Variants in KCNQ1OT1 observed in about 807,000 individuals in gnomAD.
The protein encoded by KCNQ1OT1 is KCNQ1 opposite strand/antisense transcript 1.
At position 2,626,437 on chromosome 11, in the gene KCNQ1OT1, G is replaced by A. The variant is rs999109591; in HGVS notation, n.73558C>T. The A allele has an allele frequency of 5.0e-6, 2 of 398,470 alleles. No individual in the cohort carries two copies. Among genetic ancestry groups the A allele is most frequent in the African/African-American group, 2.1e-5 (1 of 48,614 alleles). The allele number at this position is 398,470 out of a possible 1,614,324, so 24.7% of individuals were successfully genotyped here. A position where few individuals can be genotyped will look rare whatever the true frequency, so the allele number is the denominator to read the frequency against. On this transcript the variant is annotated non_coding_transcript_exon_variant, in exon 1 of 1. Transcript: ENST00000597346. This position sits in a 1 kb window ranked among gnomAD's most constrained non-coding sequence, Gnocchi z 4.0. ...GAATCATTTGATCATGTATACAAGG[G>A]TTTATTTTTGGGCTCTCTATTCAAT...
Position 2,668,800 on chromosome 11 carries a change from T to C in KCNQ1OT1, n.31195A>G. ...CTTTTGATGAACAGAAGGTCTTAAT[T>C]TTCATGTGGTCCAGTTAATCAAACA... On this transcript the variant is annotated non_coding_transcript_exon_variant, in exon 1 of 1. Transcript: ENST00000597346. The surrounding 1 kb of genome is among the most constrained non-coding windows in gnomAD (Gnocchi z 4.3). 2.5e-6 allele frequency: 1 copy of C among 398,612 alleles called. No individual in the cohort carries two copies. The allele number at this position is 398,612 out of a possible 1,614,324, so 24.7% of individuals were successfully genotyped here.
chr11:2,649,593 C>A (rs760358034), exon 1 of KCNQ1OT1: 7 of 398,472 alleles, frequency 1.8e-5, no homozygotes, highest in Admixed American at 4.4e-5. Context: ...ATTTTGTGAG[C>A]TTTTCCCCAC....
chr11:2,630,408 G>A (rs542457275), exon 1 of KCNQ1OT1: 66 of 398,066 alleles, frequency 1.7e-4, no homozygotes, highest in Middle Eastern at 1.2e-3. Context: ...CTTAGTATGA[G>A]GGCAATGCTA....
In KCNQ1OT1 at chr11:2,651,184, G is replaced by A. The variant is rs1210856572; in HGVS notation, n.48811C>T. On this transcript the variant is annotated non_coding_transcript_exon_variant, in exon 1 of 1. Transcript: ENST00000597346. This position sits in a 1 kb window ranked among gnomAD's most constrained non-coding sequence, Gnocchi z 6.1. Reference sequence around the variant, plus strand: ...GATCTTGCTGCTTCCCTACTCAAATGTTCCGACAGCTTCCTGTCACCCTGT... The same window carrying A: ...GATCTTGCTGCTTCCCTACTCAAATATTCCGACAGCTTCCTGTCACCCTGT... The A allele has an allele frequency of 2.0e-5, 8 of 397,640 alleles. No homozygotes were observed. The highest frequency in any genetic ancestry group is 1.2e-3 in the Middle Eastern group (2 of 1,606). 24.6% of individuals were successfully genotyped at this position (397,640 alleles called of 1,614,324 possible). A position where few individuals can be genotyped will look rare whatever the true frequency, so the allele number is the denominator to read the frequency against.
exon 1 of KCNQ1OT1, chr11:2,650,444 T>C (rs1849739891): frequency 2.5e-6 from 1 of 398,454 alleles, no homozygotes; most frequent in Non-Finnish European, 4.4e-6. Context: ...GTAGTATCAT[T>C]TGGGTAGGGT....
At chr11:2,662,391 C>G in exon 1 of KCNQ1OT1, 2 of 511,056 alleles carry the variant, frequency 3.9e-6, no homozygotes, top group Admixed American at 6.8e-5. Flanking sequence ...CCCTCCCCTG[C>G]CCCCCAAAAA....
At chr11:2,666,059 A>C (rs748422546) in exon 1 of KCNQ1OT1, 39 of 398,528 alleles carry the variant, frequency 9.8e-5, no homozygotes, top group Non-Finnish European at 1.6e-4. Flanking sequence ...CCAAGAGGAC[A>C]GGCCCATAAG....
chr11:2,616,963 G>GT lies in KCNQ1OT1; in HGVS notation n.83031dup, dbSNP rs35383069. 4.2e-3 allele frequency: 1,487 copies of GT among 357,358 alleles called. 2 individuals are homozygous for GT. Among genetic ancestry groups the GT allele is most frequent in the Middle Eastern group, 0.011 (14 of 1,328 alleles). 22.1% of individuals were successfully genotyped at this position (357,358 alleles called of 1,614,324 possible). ...GTCTGGCTGTACATTATCTTGTTGTGTTTTTTTTTTTTAATTTTAAAAATA... is the reference window on the plus strand; with the variant it reads ...GTCTGGCTGTACATTATCTTGTTGTGTTTTTTTTTTTTTAATTTTAAAAATA... On this transcript the variant is annotated non_coding_transcript_exon_variant, in exon 1 of 1. Coordinates refer to ENST00000597346, the Ensembl canonical transcript of KCNQ1OT1.
exon 1 of KCNQ1OT1, chr11:2,609,007 T>C (rs551335013): frequency 7.5e-6 from 3 of 398,490 alleles, no homozygotes; most frequent in African/African-American, 2.1e-5. Flanking sequence ...TTGACTTTAT[T>C]ATTTTTATAT....
chr11:2,628,490 T>C, exon 1 of KCNQ1OT1: 3 of 398,384 alleles, frequency 7.5e-6, no homozygotes, highest in Non-Finnish European at 8.9e-6. Flanking sequence ...ATTAATTGGG[T>C]TATTAAGTTT....
At chr11:2,693,603 T>C (rs1850624782) in exon 1 of KCNQ1OT1, 1 of 398,528 alleles carries the variant, frequency 2.5e-6, no homozygotes, top group Admixed American at 4.4e-5. Flanking sequence ...CACATTTAAA[T>C]TGCAAACAAG....
At position 2,644,738 on chromosome 11, in the gene KCNQ1OT1, C is replaced by T. The variant is rs187240888; in HGVS notation, n.55257G>A. The stretch of plus-strand genomic sequence containing the variant: ...TTCCTGAAGATATATCTATGGTGTT[C>T]TTTGGGCAGGGCACTTTGGTTTTGA... On this transcript the variant is annotated non_coding_transcript_exon_variant, in exon 1 of 1. Coordinates refer to ENST00000597346, the Ensembl canonical transcript of KCNQ1OT1. The T allele has an allele frequency of 1.2e-3, 464 of 398,568 alleles. 2 individuals carry two copies. Among genetic ancestry groups the T allele is most frequent in the African/African-American group, 8.8e-3 (431 of 48,734 alleles). The allele number at this position is 398,568 out of a possible 1,614,324, so 24.7% of individuals were successfully genotyped here. A position where few individuals can be genotyped will look rare whatever the true frequency, so the allele number is the denominator to read the frequency against.
exon 1 of KCNQ1OT1, chr11:2,628,085 A>G (rs1183512281): frequency 2.5e-6 from 1 of 398,498 alleles, no homozygotes. Flanking sequence ...CTACTGTAAC[A>G]CTACAATGAA....
chr11:2,687,181 GC>G lies in KCNQ1OT1; in HGVS notation n.12813del. On this transcript the variant is annotated non_coding_transcript_exon_variant, in exon 1 of 1. Coordinates refer to ENST00000597346, the Ensembl canonical transcript of KCNQ1OT1. The surrounding 1 kb of genome is among the most constrained non-coding windows in gnomAD (Gnocchi z 5.0). ...CACAAAGCACAGAAGTCTGCCAAAAGCCCAGGCTGGATAGGGAGCATCACAC... is the reference window on the plus strand; with the variant it reads ...CACAAAGCACAGAAGTCTGCCAAAAGCCAGGCTGGATAGGGAGCATCACAC... 2.5e-6 allele frequency: 1 copy of G among 398,542 alleles called. No individual in the cohort carries two copies. The highest frequency in any genetic ancestry group is 4.4e-6 in the Non-Finnish European group (1 of 226,090). The allele number at this position is 398,542 out of a possible 1,614,324, so 24.7% of individuals were successfully genotyped here.
Position 2,661,562 on chromosome 11 carries a change from G to C in KCNQ1OT1, n.38433C>G, listed in dbSNP as rs1396660064. On this transcript the variant is annotated non_coding_transcript_exon_variant, in exon 1 of 1. Transcript: ENST00000597346. The surrounding 1 kb of genome is among the most constrained non-coding windows in gnomAD (Gnocchi z 5.9). ...CACTACTCTGTCAATGTATGAGTGTGACAATGTATGGTGGTGGGAGCTGTT... is the reference window on the plus strand; with the variant it reads ...CACTACTCTGTCAATGTATGAGTGTCACAATGTATGGTGGTGGGAGCTGTT... 3 of 544,802 alleles carry C rather than the reference G, an allele frequency of 5.5e-6. No individual in the cohort carries two copies. Among genetic ancestry groups the C allele is most frequent in the Admixed American group, 3.2e-5 (1 of 31,398 alleles). 33.7% of individuals were successfully genotyped at this position (544,802 alleles called of 1,614,324 possible).
chr11:2,650,997 C>A, exon 1 of KCNQ1OT1: 1 of 398,642 alleles, frequency 2.5e-6, no homozygotes, highest in Non-Finnish European at 4.4e-6. Flanking sequence ...TCTGGATTTG[C>A]CCACACCTAG....
chr11:2,669,308 T>C lies in KCNQ1OT1; in HGVS notation n.30687A>G. 1 of 398,642 alleles carries C rather than the reference T, an allele frequency of 2.5e-6. No individual in the cohort carries two copies. The highest frequency in any genetic ancestry group is 3.6e-5 in the East Asian group (1 of 28,078). The allele number at this position is 398,642 out of a possible 1,614,324, so 24.7% of individuals were successfully genotyped here. A position where few individuals can be genotyped will look rare whatever the true frequency, so the allele number is the denominator to read the frequency against. On this transcript the variant is annotated non_coding_transcript_exon_variant, in exon 1 of 1. Coordinates refer to ENST00000597346, the Ensembl canonical transcript of KCNQ1OT1. The surrounding 1 kb of genome is among the most constrained non-coding windows in gnomAD (Gnocchi z 5.6). ...TTCTCCTCACCATACATATGCCAGT[T>C]GCCATGGAAAGCCTCCTCTAGGCGC...
chr11:2,628,499 T>C, exon 1 of KCNQ1OT1: 1 of 398,446 alleles, frequency 2.5e-6, no homozygotes, highest in Non-Finnish European at 4.4e-6. Flanking sequence ...GTTATTAAGT[T>C]TTTTTGCTAG....
chr11:2,688,455 C>T (rs1850530531), exon 1 of KCNQ1OT1: 1 of 398,768 alleles, frequency 2.5e-6, no homozygotes, highest in Admixed American at 4.4e-5. Context: ...CACTATTTCA[C>T]AGGAGAACAC....
Sources: allele counts gnomAD v4.1 joint callset, GRCh38; gene constraint gnomAD v4.1.1; non-coding constraint Gnocchi (gnomAD v3.1); transcripts MANE v1.5; gene names NCBI Gene and HGNC (gene_info 2026-07-23, HGNC 2026-07-21).